The following MECOM variants were observed in gnomAD, a reference collection of about 807,000 sequenced individuals.
MECOM encodes the protein MDS1 and EVI1 complex locus, also known as histone-lysine N-methyltransferase MECOM.
In MECOM, 13 loss-of-function variants were observed where a neutral mutation model predicts 116.3. That is an observed-to-expected ratio of 0.11 (90% CI 0.07 to 0.18). The LOEUF (loss-of-function observed/expected upper bound fraction) is 0.18. MECOM is among the 10% of genes least tolerant of loss of function. The pLI, the probability that MECOM is intolerant of heterozygous loss-of-function variation, is 1.00. For missense variants in MECOM, 1,299 were observed against 1,509.0 expected (o/e 0.86, Z 2.31); for synonymous variants, 528 against 535.2 (o/e 0.99, Z 0.19).
At chr3:169,645,690 T>C (rs1052920093) in intron 1 of MECOM, among the ~76,000 whole-genome samples, 7 of 152,218 alleles carry the variant, frequency 4.6e-5, no homozygotes, top group African/African-American at 7.2e-5. Flanking sequence ...AGCAAGATCA[T>C]TATCTAGTTT....
In MECOM at chr3:169,147,480, G is replaced by A. The variant is rs562952933; in HGVS notation, c.376-3648C>T. The A allele has an allele frequency of 3.9e-5, 38 of 985,506 alleles. No individual in the cohort carries two copies. The East Asian group carries it at 3.6e-3, about 94-fold the overall frequency. The allele number at this position is 985,506 out of a possible 1,614,324, so 61.0% of individuals were successfully genotyped here. The stretch of plus-strand genomic sequence containing the variant: ...GCCGCCCAGAGTGATCTGATCGGAA[G>A]CCAGACGGGCTCCTCTTTTAAATTT... On this transcript the variant is annotated intron_variant, in intron 2 of 16. Transcript: ENST00000651503.
At position 169,410,359 on chromosome 3, in the gene MECOM, G is replaced by A. The variant is rs571296731; in HGVS notation, c.38-28835C>T. On this transcript the variant is annotated intron_variant, in intron 1 of 16. Coordinates refer to ENST00000651503, the MANE Select transcript of MECOM (RefSeq NM_004991.4). ...GTCCATCAGCTATCCCTTCTTGGAT[G>A]TGACAATGTGATAGAATAAAGACCG... is the stretch of plus-strand genomic sequence containing the variant. Among the ~76,000 whole-genome samples the A allele has an allele frequency of 7.9e-5, 12 of 152,302 alleles. No homozygotes were observed. In the South Asian group the frequency reaches 2.3e-3, roughly 29 times the overall value.
chr3:169,215,242 C>CT (rs34865565), intron 2 of MECOM, among the ~76,000 whole-genome samples: 16,422 of 138,032 alleles, frequency 0.12, 1,341 homozygotes, highest in African/African-American at 0.21. Context: ...CTCCTCTTTC[C>CT]TTTTTTTTTT....
At chr3:169,629,839 G>A (rs1170997890) in intron 1 of MECOM, among the ~76,000 whole-genome samples, 3 of 152,224 alleles carry the variant, frequency 2.0e-5, no homozygotes, top group Admixed American at 2.0e-4. Context: ...CCAGAGTGGA[G>A]TTAACGGGGA....
At chr3:169,188,822 G>A (rs1747111288) in intron 2 of MECOM, among the ~76,000 whole-genome samples, 4 of 152,012 alleles carry the variant, frequency 2.6e-5, no homozygotes, top group Admixed American at 1.3e-4. Flanking sequence ...CTCTTGCTAA[G>A]TACAGAATTT....
chr3:169,512,830 C>A (rs1756147960), intron 1 of MECOM, among the ~76,000 whole-genome samples: 1 of 152,168 alleles, frequency 6.6e-6, no homozygotes, highest in Non-Finnish European at 1.5e-5. Flanking sequence ...AGGGCCATCT[C>A]CATCCTCAAC....
At chr3:169,433,288 TG>T (rs1741946312) in intron 1 of MECOM, among the ~76,000 whole-genome samples, 1 of 152,002 alleles carries the variant, frequency 6.6e-6, no homozygotes, top group Non-Finnish European at 1.5e-5. Context: ...GCCAACATGG[TG>T]AAACCTCATC....
chr3:169,183,064 G>A (rs1302265496), intron 2 of MECOM, among the ~76,000 whole-genome samples: 1 of 152,142 alleles, frequency 6.6e-6, no homozygotes, highest in African/African-American at 2.4e-5. Context: ...CTAAAGTGAA[G>A]ATTATACTGT....
At chr3:169,240,081 T>C (rs1754595443) in intron 2 of MECOM, among the ~76,000 whole-genome samples, 1 of 152,214 alleles carries the variant, frequency 6.6e-6, no homozygotes. Context: ...TCAGCAAGTG[T>C]AGTTTAGGAA....
At chr3:169,255,437 A>C (rs1756750506) in intron 2 of MECOM, among the ~76,000 whole-genome samples, 1 of 152,010 alleles carries the variant, frequency 6.6e-6, no homozygotes, top group East Asian at 1.9e-4. Context: ...CATAGCGAGG[A>C]ACATAGGTAA....
At chr3:169,627,485 T>C (rs1237241512) in intron 1 of MECOM, among the ~76,000 whole-genome samples, 1 of 152,264 alleles carries the variant, frequency 6.6e-6, no homozygotes, top group African/African-American at 2.4e-5. Flanking sequence ...AGTGGATTCT[T>C]ACATTGAATT....
At chr3:169,164,664 T>G (rs1314850687) in intron 2 of MECOM, among the ~76,000 whole-genome samples, 2 of 151,976 alleles carry the variant, frequency 1.3e-5, no homozygotes, top group Admixed American at 6.6e-5. Context: ...GCAAAATAAT[T>G]TTTTTTGTCC....
intron 2 of MECOM, among the ~76,000 whole-genome samples, chr3:169,204,978 G>C (rs1749704363): frequency 6.6e-6 from 1 of 152,108 alleles, no homozygotes; most frequent in African/African-American, 2.4e-5. Flanking sequence ...GCAAAACCAA[G>C]GCTCAACTTG....
chr3:169,613,213 C>T (rs1769494249), intron 1 of MECOM, among the ~76,000 whole-genome samples: 2 of 152,164 alleles, frequency 1.3e-5, no homozygotes, highest in Admixed American at 1.3e-4. Flanking sequence ...AGTGTGCTCT[C>T]ATTTATATCG....
intron 1 of MECOM, among the ~76,000 whole-genome samples, chr3:169,472,556 AAGAGAGGAGAGGAG>A (rs1560318272): frequency 5.6e-4 from 45 of 80,768 alleles, no homozygotes; most frequent in South Asian, 1.2e-3. Flanking sequence ...AGGAAAAGAA[AAGAGAGGAGAGGAG>A]AGGAGAGGAG....
chr3:169,162,793 G>A (rs1325639668), intron 2 of MECOM, among the ~76,000 whole-genome samples: 1 of 152,136 alleles, frequency 6.6e-6, no homozygotes, highest in African/African-American at 2.4e-5. Context: ...TCAGTGCTGG[G>A]TGAATCTGTC....
intron 1 of MECOM, among the ~76,000 whole-genome samples, chr3:169,520,105 G>A (rs60342303): frequency 0.054 from 8,161 of 152,306 alleles, 717 homozygotes; most frequent in African/African-American, 0.19. Flanking sequence ...TAAGAAGAGA[G>A]ATGATCTGAG....
At chr3:169,110,209 A>G (rs2149026992) in intron 9 of MECOM, among the ~76,000 whole-genome samples, 1 of 152,304 alleles carries the variant, frequency 6.6e-6, no homozygotes, top group Admixed American at 6.5e-5. Flanking sequence ...TTACTTCTGC[A>G]GTGAGGTCAT....
At chr3:169,575,466 A>G (rs1334707270) in intron 1 of MECOM, among the ~76,000 whole-genome samples, 1 of 152,202 alleles carries the variant, frequency 6.6e-6, no homozygotes, top group African/African-American at 2.4e-5. Context: ...AACAGACCTG[A>G]TGAATCACCA....
Sources: gnomAD v4.1 joint callset for allele counts (sites outside exome capture counted in the v4.1 genomes callset) on GRCh38, gnomAD v4.1.1 for gene constraint, MANE v1.5 for transcripts, NCBI Gene and HGNC (gene_info 2026-07-23, HGNC 2026-07-21) for gene names.